AKR1C8: variants seen among roughly 807,000 people sequenced by gnomAD.
AKR1C8 encodes aldo-keto reductase family 1 member C8, also known as aldo-keto reductase family 1 member C-like protein 1.
chr10:5,160,879 T>G, the AKR1C8 span: 1 of 471,154 alleles, frequency 2.1e-6, no homozygotes, highest in Non-Finnish European at 4.4e-6. Flanking sequence ...TGGCAGTAAT[T>G]CTTTCCCAGG....
chr10:5,127,415 C>A, the AKR1C8 span, among the ~76,000 whole-genome samples: 3 of 151,962 alleles, frequency 2.0e-5, no homozygotes, highest in Non-Finnish European at 4.4e-5. Flanking sequence ...TTAACCCAAT[C>A]AGACAATAAG....
chr10:5,164,665 G>C, the AKR1C8 span, among the ~76,000 whole-genome samples: 2 of 152,064 alleles, frequency 1.3e-5, no homozygotes, highest in East Asian at 3.9e-4. Flanking sequence ...AGAGGACTTC[G>C]TCAATGCCCA....
chr10:5,118,646 AGC>A, the AKR1C8 span, among the ~76,000 whole-genome samples: 3 of 152,266 alleles, frequency 2.0e-5, no homozygotes, highest in South Asian at 2.1e-4. Flanking sequence ...GGGCGAGAGA[AGC>A]TCATAGAAAA....
chr10:5,163,203 C>G, the AKR1C8 span, among the ~76,000 whole-genome samples: 1 of 152,210 alleles, frequency 6.6e-6, no homozygotes, highest in African/African-American at 2.4e-5. Flanking sequence ...CTTCTATTCC[C>G]AAATGAATTA....
At chr10:5,167,834 T>A in the AKR1C8 span, among the ~76,000 whole-genome samples, 1 of 152,118 alleles carries the variant, frequency 6.6e-6, no homozygotes, top group Non-Finnish European at 1.5e-5. Context: ...AAAAACACTG[T>A]AAAATGATAC....
chr10:5,163,916 G>A, the AKR1C8 span, among the ~76,000 whole-genome samples: 1 of 152,024 alleles, frequency 6.6e-6, no homozygotes. Flanking sequence ...AAGAGAACAA[G>A]ACCCAACATA....
the AKR1C8 span, among the ~76,000 whole-genome samples, chr10:5,179,333 T>G: frequency 2.0e-5 from 3 of 152,230 alleles, no homozygotes. Flanking sequence ...CATGTAGAGT[T>G]TCTGCCGAGA....
the AKR1C8 span, chr10:5,123,791 G>T: frequency 9.9e-6 from 16 of 1,613,118 alleles, no homozygotes; most frequent in African/African-American, 1.3e-5. Flanking sequence ...CCAGCAGTTT[G>T]CTCTGGTTGA....
chr10:5,139,109 G>T, the AKR1C8 span, among the ~76,000 whole-genome samples: 4 of 152,136 alleles, frequency 2.6e-5, no homozygotes, highest in African/African-American at 9.7e-5. Flanking sequence ...GGATGTGAAG[G>T]ACCTTTTCAA....
chr10:5,177,915 C>G, the AKR1C8 span, among the ~76,000 whole-genome samples: 4 of 151,978 alleles, frequency 2.6e-5, no homozygotes, highest in Non-Finnish European at 4.4e-5. Flanking sequence ...TTTTGTTGAT[C>G]CTTTCAAAAA....
the AKR1C8 span, among the ~76,000 whole-genome samples, chr10:5,144,256 A>T: frequency 3.9e-5 from 6 of 152,118 alleles, no homozygotes; most frequent in Admixed American, 3.3e-4. Context: ...TACCAGTACC[A>T]TGCTGTTTTG....
At chr10:5,156,575 A>G in the AKR1C8 span, among the ~76,000 whole-genome samples, 1 of 146,818 alleles carries the variant, frequency 6.8e-6, no homozygotes, top group Middle Eastern at 3.2e-3. Flanking sequence ...CTCTTTCTCT[A>G]TATGTATCCG....
chr10:5,179,195 C>T, the AKR1C8 span, among the ~76,000 whole-genome samples: 5 of 152,102 alleles, frequency 3.3e-5, no homozygotes, highest in East Asian at 5.8e-4. Flanking sequence ...AATCTCTCAG[C>T]ATTTGCTTGT....
the AKR1C8 span, among the ~76,000 whole-genome samples, chr10:5,159,056 G>A: frequency 7.2e-5 from 11 of 152,150 alleles, no homozygotes; most frequent in African/African-American, 2.7e-4. Flanking sequence ...GAGCCTAGAA[G>A]AGCTTGCACT....
chr10:5,132,279 T>TA, the AKR1C8 span, among the ~76,000 whole-genome samples: 1 of 152,142 alleles, frequency 6.6e-6, no homozygotes, highest in Admixed American at 6.6e-5. Flanking sequence ...ATCATCACTA[T>TA]AGAATTCATT....
the AKR1C8 span, among the ~76,000 whole-genome samples, chr10:5,120,826 ATATTTT>A: frequency 6.6e-6 from 1 of 152,016 alleles, no homozygotes; most frequent in African/African-American, 2.4e-5. Context: ...TGAAATAGTC[ATATTTT>A]TATTTTATTT....
chr10:5,131,267 C>T, the AKR1C8 span, among the ~76,000 whole-genome samples: 17 of 151,610 alleles, frequency 1.1e-4, no homozygotes, highest in African/African-American at 1.2e-4. Context: ...ACATTGGCCT[C>T]GACAAAGAAT....
the AKR1C8 span, among the ~76,000 whole-genome samples, chr10:5,143,897 T>C: frequency 6.6e-6 from 1 of 151,940 alleles, no homozygotes; most frequent in East Asian, 1.9e-4. Flanking sequence ...CTAACCAAAC[T>C]TGAGAATACT....
chr10:5,120,191 C>T, the AKR1C8 span, among the ~76,000 whole-genome samples: 2 of 152,200 alleles, frequency 1.3e-5, no homozygotes, highest in African/African-American at 2.4e-5. Flanking sequence ...CTAGCCAGAG[C>T]CCATCCCTTT....
Sources: gnomAD v4.1 joint callset for allele counts (sites outside exome capture counted in the v4.1 genomes callset) on GRCh38, gnomAD v4.1.1 for gene constraint, MANE v1.5 for transcripts, NCBI Gene and HGNC (gene_info 2026-07-23, HGNC 2026-07-21) for gene names.